The following CTNNAL1 variants were observed in gnomAD, a reference collection of about 807,000 sequenced individuals.
CTNNAL1 encodes alpha-catulin.
A neutral mutation model predicts 93.6 loss-of-function variants in CTNNAL1; 69 were observed. The ratio of observed to expected loss-of-function variants is 0.74; its 90% CI spans 0.61 to 0.90. The LOEUF is 0.90. Among genes scored for constraint, CTNNAL1 ranks in the 40% least tolerant of loss-of-function variants. The pLI is 0.00. For missense variants in CTNNAL1, 836 were observed against 862.0 expected (o/e 0.97, Z 0.38); for synonymous variants, 286 against 305.4 (o/e 0.94, Z 0.66).
At position 108,970,387 on chromosome 9, in the gene CTNNAL1, CT is replaced by C. The variant is rs1831077212; in HGVS notation, c.1440+14del. 1 of 1,600,628 alleles carries C rather than the reference CT, an allele frequency of 6.2e-7. No individual in the cohort carries two copies. On this transcript the variant is annotated intron_variant, in intron 10 of 18. Coordinates refer to ENST00000325551, the MANE Select transcript of CTNNAL1 (RefSeq NM_003798.4). ...TAGGACACAATACAGAAGGAGCAATCTGCTATTATCATACCTGTTGGCCAGT... is the reference window on the plus strand; with the variant it reads ...TAGGACACAATACAGAAGGAGCAATCGCTATTATCATACCTGTTGGCCAGT...
intron 14 of CTNNAL1, among the ~76,000 whole-genome samples, chr9:108,951,072 G>A (rs116964143): frequency 0.036 from 5,458 of 151,700 alleles, 217 homozygotes; most frequent in East Asian, 0.1. Flanking sequence ...TGCAAGTGGC[G>A]CGATCTCAGC....
chr9:108,965,649 T>C, intron 10 of CTNNAL1, 121 bp from the exon 11 acceptor site: 1 of 485,852 alleles, frequency 2.1e-6, no homozygotes, highest in Non-Finnish European at 3.4e-6. Flanking sequence ...TATGAAGTAA[T>C]TTCTATACAC....
chr9:108,942,659 T>A lies in CTNNAL1; in HGVS notation c.*110A>T, dbSNP rs553299916. On this transcript the variant is annotated 3_prime_UTR_variant, in exon 19 of 19. Coordinates refer to ENST00000325551, the MANE Select transcript of CTNNAL1 (RefSeq NM_003798.4). ...CAGAAAATAGAGCAAAATTTCAATA[T>A]TGTTTTCTTTATAAAATTGATGAAT... 1 of 794,414 alleles carries A rather than the reference T, an allele frequency of 1.3e-6. No homozygotes were observed. 49.2% of individuals were successfully genotyped at this position (794,414 alleles called of 1,614,324 possible). A position where few individuals can be genotyped will look rare whatever the true frequency, so the allele number is the denominator to read the frequency against.
intron 3 of CTNNAL1, chr9:108,992,022 CA>C: frequency 1.3e-6 from 1 of 755,628 alleles, no homozygotes; most frequent in South Asian, 1.4e-5. Context: ...GGATAATTAT[CA>C]TTTCCACTGA....
intron 3 of CTNNAL1, 40 bp downstream of exon 3, chr9:108,992,592 C>T: frequency 2.6e-6 from 4 of 1,560,132 alleles, no homozygotes; most frequent in Non-Finnish European, 3.5e-6. Flanking sequence ...TTGAACAACA[C>T]AGAAAGACAA....
intron 11 of CTNNAL1, among the ~76,000 whole-genome samples, chr9:108,957,516 C>T (rs979148957): frequency 2.6e-5 from 4 of 152,098 alleles, no homozygotes; most frequent in African/African-American, 9.7e-5. Context: ...GTTAATGGTA[C>T]TTGGGAATAG....
intron 8 of CTNNAL1, 31 bp from the exon 9 acceptor site, chr9:108,972,864 G>GGGGGCCCCC: frequency 3.7e-4 from 53 of 142,348 alleles, no homozygotes; most frequent in Non-Finnish European, 4.6e-4. Flanking sequence ...GGGGGGGTGG[G>GGGGGCCCCC]AGGGTGGAGA....
chr9:108,948,383 G>T, intron 14 of CTNNAL1, 149 bp from the exon 15 acceptor site: 1 of 606,542 alleles, frequency 1.6e-6, no homozygotes, highest in Non-Finnish European at 2.6e-6. Context: ...GTAACTTTAT[G>T]CTTAAAGCAA....
intron 15 of CTNNAL1, among the ~76,000 whole-genome samples, chr9:108,946,610 T>C (rs1830411408): frequency 6.6e-6 from 1 of 152,222 alleles, no homozygotes; most frequent in Non-Finnish European, 1.5e-5. Context: ...TACTTACATA[T>C]GTGCACTGAA....
At chr9:109,001,322 G>T (rs527962482) in intron 1 of CTNNAL1, among the ~76,000 whole-genome samples, 1 of 152,040 alleles carries the variant, frequency 6.6e-6, no homozygotes, top group Non-Finnish European at 1.5e-5. Flanking sequence ...TATAATCTCC[G>T]CAGTGGTTTG....
At chr9:109,003,207 C>G (rs56902713) in intron 1 of CTNNAL1, among the ~76,000 whole-genome samples, 8,173 of 152,222 alleles carry the variant, frequency 0.054, 348 homozygotes, top group East Asian at 0.15. Flanking sequence ...AGATATTATT[C>G]CTCAGCAGTC....
intron 1 of CTNNAL1, among the ~76,000 whole-genome samples, chr9:109,006,640 A>G (rs1305807450): frequency 5.3e-5 from 8 of 152,222 alleles, no homozygotes; most frequent in Admixed American, 5.2e-4. Context: ...GAGAACACCT[A>G]AATGAACCAG....
intron 2 of CTNNAL1, among the ~76,000 whole-genome samples, chr9:108,996,743 T>C (rs997325297): frequency 6.6e-6 from 1 of 152,088 alleles, no homozygotes; most frequent in African/African-American, 2.4e-5. Context: ...ACCACAAAGC[T>C]TTCTTGCAAA....
intron 11 of CTNNAL1, among the ~76,000 whole-genome samples, chr9:108,958,393 G>C (rs1157357438): frequency 6.6e-6 from 1 of 152,122 alleles, no homozygotes; most frequent in Non-Finnish European, 1.5e-5. Context: ...AACCTGATTT[G>C]CTACTATTTT....
chr9:108,977,276 T>G (rs1831293569), intron 7 of CTNNAL1: 1 of 283,744 alleles, frequency 3.5e-6, no homozygotes, highest in Admixed American at 5.2e-5. Flanking sequence ...TTTTATTTAT[T>G]TATTTTTCTG....
chr9:108,950,335 T>C (rs984080443), intron 14 of CTNNAL1, among the ~76,000 whole-genome samples: 2 of 152,176 alleles, frequency 1.3e-5, no homozygotes, highest in Non-Finnish European at 2.9e-5. Context: ...TCAAAATTCA[T>C]GTTGGGAAGA....
intron 14 of CTNNAL1, among the ~76,000 whole-genome samples, chr9:108,951,371 TTTAA>T (rs1198925706): frequency 4.6e-5 from 7 of 152,096 alleles, no homozygotes. Flanking sequence ...CCTTCACTAC[TTTAA>T]TTGAGCTTCA....
intron 15 of CTNNAL1, among the ~76,000 whole-genome samples, chr9:108,945,162 A>G (rs1456897273): frequency 6.6e-6 from 1 of 152,192 alleles, no homozygotes; most frequent in Non-Finnish European, 1.5e-5. Context: ...CTATCCTGAC[A>G]TCAGTCTTGT....
intron 11 of CTNNAL1, among the ~76,000 whole-genome samples, chr9:108,960,344 T>C (rs1162093319): frequency 6.6e-6 from 1 of 152,172 alleles, no homozygotes; most frequent in Non-Finnish European, 1.5e-5. Flanking sequence ...CACCCTAGTA[T>C]AGACCATCGT....
Sources: gnomAD v4.1 joint callset for allele counts (sites outside exome capture counted in the v4.1 genomes callset) on GRCh38, gnomAD v4.1.1 for gene constraint, MANE v1.5 for transcripts, NCBI Gene and HGNC (gene_info 2026-07-23, HGNC 2026-07-21) for gene names.